ERG: variants seen among roughly 807,000 people sequenced by gnomAD.
The protein encoded by ERG is ETS transcription factor ERG.
ERG carries 9 observed loss-of-function variants against 55.3 expected under a neutral mutation model. The observed-to-expected ratio is 0.16, with a 90% CI of 0.10 to 0.28. ERG has a LOEUF of 0.28. ERG is among the 10% of genes least tolerant of loss of function. ERG has a pLI of 1.00. For missense variants in ERG, 434 were observed against 631.6 expected (o/e 0.69, Z 3.35); for synonymous variants, 223 against 237.3 (o/e 0.94, Z 0.55).
At chr21:38,512,579 T>C (rs938743127) in intron 2 of ERG, among the ~76,000 whole-genome samples, 3 of 152,200 alleles carry the variant, frequency 2.0e-5, no homozygotes, top group African/African-American at 7.2e-5. Context: ...ATGTACTGCA[T>C]AGAAAATATT....
chr21:38,567,435 C>G (rs9808818), intron 2 of ERG, among the ~76,000 whole-genome samples: 1 of 151,904 alleles, frequency 6.6e-6, no homozygotes, highest in African/African-American at 2.4e-5. Flanking sequence ...GTACAAAAAA[C>G]GAAAAAGCAG....
chr21:38,453,069 T>C (rs778560516), intron 1 of ERG, among the ~76,000 whole-genome samples: 2 of 152,210 alleles, frequency 1.3e-5, no homozygotes, highest in Admixed American at 6.5e-5. Context: ...TTTTGTGAGA[T>C]GAATGGATTG....
chr21:38,395,901 G>C (rs975618621), intron 6 of ERG, among the ~76,000 whole-genome samples: 7 of 152,110 alleles, frequency 4.6e-5, no homozygotes, highest in Non-Finnish European at 7.4e-5. Context: ...GAGGAGGAAC[G>C]CTCTAGCTCT....
At chr21:38,439,948 C>G (rs534954683) in intron 2 of ERG, among the ~76,000 whole-genome samples, 6 of 152,154 alleles carry the variant, frequency 3.9e-5, no homozygotes, top group Non-Finnish European at 8.8e-5. Context: ...GCACTATTCC[C>G]AAGCTGGGTA....
intron 1 of ERG, among the ~76,000 whole-genome samples, chr21:38,450,188 G>A (rs1210150687): frequency 1.4e-5 from 2 of 144,176 alleles, no homozygotes; most frequent in African/African-American, 2.6e-5. Flanking sequence ...TCAGGAGATC[G>A]AGACCATACA....
chr21:38,467,126 C>G (rs1302910534), intron 1 of ERG, among the ~76,000 whole-genome samples: 3 of 152,224 alleles, frequency 2.0e-5, no homozygotes, highest in Middle Eastern at 3.4e-3. Context: ...GGTTTTTTAT[C>G]TATATGAGGT....
At position 38,382,150 on chromosome 21, in the gene ERG, T is replaced by C. The variant is rs1569051893; in HGVS notation, c.*1253A>G. 3 of 1,051,248 alleles carry C rather than the reference T, an allele frequency of 2.9e-6. No individual in the cohort carries two copies. Among genetic ancestry groups the C allele is most frequent in the Non-Finnish European group, 3.4e-6 (3 of 870,104 alleles). The allele number at this position is 1,051,248 out of a possible 1,614,324, so 65.1% of individuals were successfully genotyped here. ...AAAATTCAAGGCCACATTATATCGA[T>C]TGTCTCTTTTGTCGTGTGTCTTTGG... On this transcript the variant is annotated 3_prime_UTR_variant, in exon 10 of 10. Coordinates refer to ENST00000288319, the MANE Select transcript of ERG (RefSeq NM_182918.4).
At chr21:38,611,050 A>T (rs1440277203) in intron 1 of ERG, among the ~76,000 whole-genome samples, 1 of 152,126 alleles carries the variant, frequency 6.6e-6, no homozygotes, top group East Asian at 1.9e-4. Flanking sequence ...CACAGAGGTA[A>T]TCCCTTCCAG....
intron 1 of ERG, among the ~76,000 whole-genome samples, chr21:38,626,698 G>A (rs764598183): frequency 1.4e-4 from 22 of 152,060 alleles, no homozygotes; most frequent in Non-Finnish European, 4.4e-5. Context: ...AATGTTTATG[G>A]CTTTTTAAAA....
rs1362280178 is a variant in ERG at position 38,381,485 on chromosome 21, G to A, written c.*1918C>T. 1 of 1,063,432 alleles carries A rather than the reference G, an allele frequency of 9.4e-7. No individual in the cohort carries two copies. Among genetic ancestry groups the A allele is most frequent in the Non-Finnish European group, 1.1e-6 (1 of 878,216 alleles). 65.9% of individuals were successfully genotyped at this position (1,063,432 alleles called of 1,614,324 possible). On this transcript the variant is annotated 3_prime_UTR_variant, in exon 10 of 10. Transcript: ENST00000288319. Reference sequence around the variant, plus strand: ...CAAGCCACAGTGCCCAGGTAACTCTGATGTAGCAGGACTAAAGCTGTCTAC... The same window carrying A: ...CAAGCCACAGTGCCCAGGTAACTCTAATGTAGCAGGACTAAAGCTGTCTAC...
chr21:38,465,972 T>C (rs2059085321), intron 1 of ERG, among the ~76,000 whole-genome samples: 2 of 152,150 alleles, frequency 1.3e-5, no homozygotes, highest in Admixed American at 6.5e-5. Flanking sequence ...TAAGGACTCC[T>C]GTGGGATTCT....
chr21:38,657,281 C>T (rs928141738), intron 1 of ERG, among the ~76,000 whole-genome samples: 4 of 152,180 alleles, frequency 2.6e-5, no homozygotes, highest in African/African-American at 9.7e-5. Flanking sequence ...TAGCCAAACC[C>T]CTTACTTTCA....
intron 2 of ERG, among the ~76,000 whole-genome samples, chr21:38,565,363 A>C (rs535524323): frequency 6.6e-6 from 1 of 152,344 alleles, no homozygotes; most frequent in African/African-American, 2.4e-5. Flanking sequence ...TAAAAAATTC[A>C]ATCAGATCAC....
In ERG at chr21:38,508,992, C is replaced by T. The variant is rs184873232; in HGVS notation, c.-41+66670G>A. ...ATTTGTAGGTGTTCCAGTCATCAGTCCCAGCCCACAGCCAGCATTAACCCC... is the reference window on the plus strand; with the variant it reads ...ATTTGTAGGTGTTCCAGTCATCAGTTCCAGCCCACAGCCAGCATTAACCCC... On this transcript the variant is annotated intron_variant, in intron 2 of 8. Coordinates refer to the ERG transcript ENST00000398897. Among the ~76,000 whole-genome samples the T allele has an allele frequency of 5.4e-3, 821 of 152,288 alleles. 9 individuals carry two copies. Among genetic ancestry groups the T allele is most frequent in the Non-Finnish European group, 6.2e-3 (419 of 68,030 alleles).
At chr21:38,443,111 T>C (rs1377724714) in intron 2 of ERG, among the ~76,000 whole-genome samples, 3 of 152,198 alleles carry the variant, frequency 2.0e-5, no homozygotes, top group Non-Finnish European at 4.4e-5. Flanking sequence ...CCGGCCAGAA[T>C]GCTTATTTTA....
rs2059507928 is a variant in ERG, at chr21:38,511,090, C to T, written c.-41+64572G>A. The stretch of plus-strand genomic sequence containing the variant: ...AGAAGGTTTAGTGTGAAGGAGTTAG[C>T]AACCTAACAAATGTTTCCCCCTGAA... On this transcript the variant is annotated intron_variant, in intron 2 of 8. Coordinates refer to the ERG transcript ENST00000398897. 2.0e-5 allele frequency among the ~76,000 whole-genome samples: 3 copies of T among 152,176 alleles called. No individual in the cohort carries two copies. In the South Asian group the frequency reaches 6.2e-4, roughly 32 times the overall value.
At chr21:38,414,504 A>G (rs1989195533) in intron 3 of ERG, among the ~76,000 whole-genome samples, 1 of 152,202 alleles carries the variant, frequency 6.6e-6, no homozygotes, top group African/African-American at 2.4e-5. Flanking sequence ...CCAAATATAA[A>G]CAGAAGAACT....
chr21:38,614,263 C>T (rs996942737), intron 1 of ERG, among the ~76,000 whole-genome samples: 2 of 152,178 alleles, frequency 1.3e-5, no homozygotes, highest in Non-Finnish European at 2.9e-5. Flanking sequence ...CGTTGGATAG[C>T]ATTAATGTCT....
intron 2 of ERG, among the ~76,000 whole-genome samples, chr21:38,523,589 T>C (rs1196510786): frequency 6.6e-6 from 1 of 152,236 alleles, no homozygotes; most frequent in African/African-American, 2.4e-5. Flanking sequence ...CCACCCCTGA[T>C]GAATGTTCAA....
Sources: allele counts gnomAD v4.1 joint callset (sites outside exome capture counted in the v4.1 genomes callset), GRCh38; gene constraint gnomAD v4.1.1; transcripts MANE v1.5; gene names NCBI Gene and HGNC (gene_info 2026-07-23, HGNC 2026-07-21).